Variants in RAPGEF6 observed in about 807,000 individuals in gnomAD.
RAPGEF6 encodes PDZ domain containing guanine nucleotide exchange factor (GEF) 2.
RAPGEF6 carries 56 observed loss-of-function variants against 171.4 expected under a neutral mutation model. That is an observed-to-expected ratio of 0.33 (90% CI 0.26 to 0.41). The LOEUF is 0.41. Ranked by LOEUF, RAPGEF6 falls within the 10% of genes least tolerant of loss-of-function variation. RAPGEF6 has a pLI of 1.00. For synonymous variants in RAPGEF6, 692 were observed against 650.1 expected (o/e 1.06, Z -0.98); for missense variants, 1,674 against 1,921.4 (o/e 0.87, Z 2.41).
chr5:131,440,788 G>A (rs1244099195), intron 23 of RAPGEF6, among the ~76,000 whole-genome samples: 1 of 144,752 alleles, frequency 6.9e-6, no homozygotes, highest in Non-Finnish European at 1.5e-5. Flanking sequence ...CATAGTATAA[G>A]TAATGCTTCC....
rs1460413859 is a variant in RAPGEF6 at position 131,518,417 on chromosome 5, G to C, written c.627+2973C>G. ...GTTTGAAATTTTTTTTTTTTTTGGA[G>C]ACGGAGTTTCACTCTTGTTGCCCAG... On this transcript the variant is annotated intron_variant, in intron 7 of 27. Transcript: ENST00000509018. Among the ~76,000 whole-genome samples, 3 of 143,222 alleles carry C rather than the reference G, an allele frequency of 2.1e-5. No individual in the cohort carries two copies. In the East Asian group the frequency reaches 6.0e-4, roughly 29 times the overall value. The allele number at this position is 143,222 out of a possible 152,430, so 94.0% of individuals were successfully genotyped here.
At chr5:131,562,531 A>G (rs1451530669) in intron 4 of RAPGEF6, among the ~76,000 whole-genome samples, 1 of 152,248 alleles carries the variant, frequency 6.6e-6, no homozygotes, top group African/African-American at 2.4e-5. Flanking sequence ...TTGGTATCCA[A>G]CTGGGATTGG....
At chr5:131,552,094 C>T (rs1760955659) in intron 5 of RAPGEF6, among the ~76,000 whole-genome samples, 1 of 152,028 alleles carries the variant, frequency 6.6e-6, no homozygotes, top group Non-Finnish European at 1.5e-5. Flanking sequence ...AGATTTTTCA[C>T]TCTGATGTTT....
chr5:131,560,351 T>C (rs997811161), intron 5 of RAPGEF6, among the ~76,000 whole-genome samples: 3 of 152,196 alleles, frequency 2.0e-5, no homozygotes, highest in East Asian at 1.9e-4. Context: ...AATTCATCAA[T>C]TGCACCAACA....
intron 16 of RAPGEF6, among the ~76,000 whole-genome samples, chr5:131,476,693 A>C (rs954142661): frequency 1.3e-5 from 2 of 152,084 alleles, no homozygotes; most frequent in Non-Finnish European, 2.9e-5. Context: ...CACCATGTCC[A>C]GCTAGTTTTT....
chr5:131,569,778 C>T (rs1459486177), intron 4 of RAPGEF6, among the ~76,000 whole-genome samples: 2 of 152,086 alleles, frequency 1.3e-5, no homozygotes, highest in African/African-American at 2.4e-5. Flanking sequence ...CGGTGGCACA[C>T]GCCTGTAATC....
intron 5 of RAPGEF6, among the ~76,000 whole-genome samples, chr5:131,553,885 G>A (rs1480169935): frequency 6.6e-6 from 1 of 150,456 alleles, no homozygotes; most frequent in Non-Finnish European, 1.5e-5. Context: ...ATCATGAAGA[G>A]GTAAAAAATA....
chr5:131,509,259 C>T (rs1468220546), intron 8 of RAPGEF6, among the ~76,000 whole-genome samples: 3 of 152,064 alleles, frequency 2.0e-5, no homozygotes, highest in Non-Finnish European at 4.4e-5. Context: ...TAAGAGTACA[C>T]ATGGTCAGGC....
chr5:131,618,448 C>G (rs1413145477), intron 1 of RAPGEF6, among the ~76,000 whole-genome samples: 1 of 151,850 alleles, frequency 6.6e-6, no homozygotes, highest in Non-Finnish European at 1.5e-5. Context: ...CCAGGCAACA[C>G]AGTGGAAACC....
At chr5:131,603,577 A>C (rs1156255123) in intron 2 of RAPGEF6, among the ~76,000 whole-genome samples, 3 of 152,056 alleles carry the variant, frequency 2.0e-5, no homozygotes, top group Non-Finnish European at 4.4e-5. Flanking sequence ...AATCTGTCAA[A>C]ATCTGTCAGT....
intron 1 of RAPGEF6, among the ~76,000 whole-genome samples, chr5:131,610,906 A>T (rs1235802106): frequency 6.6e-6 from 1 of 152,152 alleles, no homozygotes; most frequent in Non-Finnish European, 1.5e-5. Flanking sequence ...AACTACAGGG[A>T]GTGTATTTGA....
chr5:131,498,576 A>T lies in RAPGEF6; in HGVS notation c.1286T>A (p.Ile429Lys). ...TGGATCCACGATGGAATGTTCTTCT[A>T]TTAAATGCATTATGAGACGCTCAGG... is the stretch of plus-strand genomic sequence containing the variant. ...ATPERLIMHL[I>K]EEHSIVDPTY... The change falls in exon 12 of 28, where the codon ATA (isoleucine) becomes AAA (lysine). Residue 429 changes from isoleucine to lysine, a missense_variant. Ile to Lys is a moderately radical substitution (Grantham distance 102). Around this residue, in one of 3 missense-constraint regions of RAPGEF6, gnomAD observed 1,116 missense variants for 1,321.5 expected, o/e 0.84. Transcript: ENST00000509018. 1 of 1,613,822 alleles carries T rather than the reference A, an allele frequency of 6.2e-7. No individual in the cohort carries two copies. Among genetic ancestry groups the T allele is most frequent in the Non-Finnish European group, 8.5e-7 (1 of 1,179,892 alleles).
At position 131,635,041 on chromosome 5, in the gene RAPGEF6, C is replaced by A. The variant is rs374895332; in HGVS notation, c.-11G>T. The A allele has an allele frequency of 3.7e-6, 6 of 1,600,220 alleles. No individual in the cohort carries two copies. The highest frequency in any genetic ancestry group is 5.1e-6 in the Non-Finnish European group (6 of 1,169,924). ...CACGGGTGAGTTCATGGCCACGGCC[C>A]GGGTACTCCGCAGCCTGCCCTTAGC... On this transcript the variant is annotated 5_prime_UTR_variant, in exon 1 of 28. Transcript: ENST00000509018.
At chr5:131,582,919 T>C (rs982268560) in intron 4 of RAPGEF6, among the ~76,000 whole-genome samples, 6 of 152,336 alleles carry the variant, frequency 3.9e-5, no homozygotes, top group African/African-American at 1.4e-4. Context: ...ATATAACTTA[T>C]TGCTAGGTAT....
At chr5:131,512,124 G>A (rs1439531799) in intron 7 of RAPGEF6, among the ~76,000 whole-genome samples, 1 of 152,134 alleles carries the variant, frequency 6.6e-6, no homozygotes, top group Admixed American at 6.5e-5. Context: ...GAGCAACAAA[G>A]CAACAGAAAC....
At chr5:131,486,929 C>A (rs1755933408) in intron 15 of RAPGEF6, among the ~76,000 whole-genome samples, 1 of 152,082 alleles carries the variant, frequency 6.6e-6, no homozygotes, top group South Asian at 2.1e-4. Context: ...AGGTCTCTAC[C>A]ACACCCTCTC....
intron 6 of RAPGEF6, among the ~76,000 whole-genome samples, chr5:131,542,522 A>G (rs2158294): frequency 0.64 from 96,667 of 152,050 alleles, 32,561 homozygotes; most frequent in Non-Finnish European, 0.77. Context: ...TAAGGTTACA[A>G]TTATGATGGT....
At chr5:131,509,036 T>C (rs1389102304) in intron 8 of RAPGEF6, among the ~76,000 whole-genome samples, 2 of 152,204 alleles carry the variant, frequency 1.3e-5, no homozygotes, top group East Asian at 3.9e-4. Context: ...AAATGATTTT[T>C]AATAGTAGCA....
At chr5:131,509,923 C>T (rs1443878460) in intron 8 of RAPGEF6, among the ~76,000 whole-genome samples, 1 of 152,186 alleles carries the variant, frequency 6.6e-6, no homozygotes, top group Non-Finnish European at 1.5e-5. Flanking sequence ...TTGCCTTATT[C>T]TCCTTTGGAT....
Sources: gnomAD v4.1 joint callset for allele counts (sites outside exome capture counted in the v4.1 genomes callset) on GRCh38, gnomAD v4.1.1 for gene constraint, gnomAD v4.1.1 regional missense constraint, MANE v1.5 for transcripts, NCBI Gene and HGNC (gene_info 2026-07-23, HGNC 2026-07-21) for gene names.